The following NOS1 variants were observed in gnomAD, a reference collection of about 807,000 sequenced individuals.
The protein encoded by NOS1 is nitric oxide synthase 1, also known as NOS type I.
A neutral mutation model predicts 164.5 loss-of-function variants in NOS1; 51 were observed. The observed-to-expected ratio is 0.31, with a 90% CI of 0.25 to 0.39. The LOEUF is 0.39. NOS1 is among the 10% of genes least tolerant of loss of function. The pLI is 1.00. For synonymous variants in NOS1, 719 were observed against 745.8 expected (o/e 0.96, Z 0.59); for missense variants, 1,362 against 1,885.6 (o/e 0.72, Z 5.14).
At chr12:117,256,284 G>GTTGTTTTTTTTTTTTTTTTTTT (rs549611283) in intron 16 of NOS1, among the ~76,000 whole-genome samples, 14 of 118,446 alleles carry the variant, frequency 1.2e-4, no homozygotes, top group African/African-American at 4.6e-4. Flanking sequence ...GGGATTTTCT[G>GTTGTTTTTTTTTTTTTTTTTTT]TTTTTTTTTT....
chr12:117,339,525 C>G (rs1379926773), intron 1 of NOS1, among the ~76,000 whole-genome samples: 1 of 152,198 alleles, frequency 6.6e-6, no homozygotes, highest in Non-Finnish European at 1.5e-5. Flanking sequence ...AATGTCAGGA[C>G]TTTCTCCTGC....
chr12:117,238,114 C>G (rs1221580205), intron 20 of NOS1, among the ~76,000 whole-genome samples: 1 of 152,086 alleles, frequency 6.6e-6, no homozygotes, highest in Non-Finnish European at 1.5e-5. Flanking sequence ...GTGGTAGTGG[C>G]CAGATCACAA....
Position 117,288,202 on chromosome 12 carries a change from C to G in NOS1, c.999G>C (p.Glu333Asp), listed in dbSNP as rs745912428. The G allele has an allele frequency of 6.2e-7, 1 of 1,613,172 alleles. No individual in the cohort carries two copies. Residue 333 changes from glutamate (E) to aspartate (D), a missense_variant, in exon 5 of 29, where the codon GAG becomes GAC. Physicochemically the swap from Glu to Asp is conservative, Grantham distance 45. Coordinates refer to ENST00000317775, the MANE Select transcript of NOS1 (RefSeq NM_000620.5). ...LKSTLETGCT[E>D]YICMGSIMHP... ...GCATGATGGAGCCCATGCAGATGTACTCAGTGCATCCCGTTTCCTGGAAGA... is the reference window on the plus strand; with the variant it reads ...GCATGATGGAGCCCATGCAGATGTAGTCAGTGCATCCCGTTTCCTGGAAGA...
rs538563225 is a variant in NOS1 at position 117,262,427 on chromosome 12, G to GGA, written c.2222+1460_2222+1461dup. Among the ~76,000 whole-genome samples the GGA allele has an allele frequency of 4.4e-3, 593 of 133,402 alleles. 14 individuals are homozygous for GGA. The East Asian group carries it at 0.049, about 11-fold the overall frequency. The allele number at this position is 133,402 out of a possible 152,430, so 87.5% of individuals were successfully genotyped here. On this transcript the variant is annotated intron_variant, in intron 13 of 28. Coordinates refer to ENST00000317775, the MANE Select transcript of NOS1 (RefSeq NM_000620.5). ...GAAGGAGAGAGAGGGAGGGAGGGAG[G>GGA]GAGAGAGAGAGAGAGAGAGACAGAG...
chr12:117,226,569 G>A (rs1011314214), intron 24 of NOS1, 114 bp downstream of exon 24: 20 of 826,432 alleles, frequency 2.4e-5, no homozygotes, highest in East Asian at 7.8e-5. Context: ...GGTCTCCATC[G>A]TGTGTCACCC....
At chr12:117,226,834 C>T in intron 23 of NOS1, 64 bp from the exon 24 acceptor site, 1 of 1,287,352 alleles carries the variant, frequency 7.8e-7, no homozygotes, top group Non-Finnish European at 1.1e-6. Flanking sequence ...CCCCTCCTCC[C>T]TCCAGTGCAA....
Position 117,210,465 on chromosome 12 carries a change from G to C in NOS1, c.*4844C>G. 1.0e-6 allele frequency: 1 copy of C among 985,482 alleles called. No homozygotes were observed. The highest frequency in any genetic ancestry group is 1.2e-6 in the Non-Finnish European group (1 of 829,992). 61.0% of individuals were successfully genotyped at this position (985,482 alleles called of 1,614,324 possible). On this transcript the variant is annotated 3_prime_UTR_variant, in exon 29 of 29. Transcript: ENST00000317775. ...GAGGACATGGTGGCCACAGCGGCAT[G>C]CTGGGTATGTGGGGCAGCGGGTAGG...
Position 117,212,335 on chromosome 12 carries a change from T to G in NOS1, c.*2974A>C. Reference sequence around the variant, plus strand: ...CCATCTGCACCAACAGGGGCAGAATTAGGATTTGCACTCAGGTCGGCTCCC... The same window carrying G: ...CCATCTGCACCAACAGGGGCAGAATGAGGATTTGCACTCAGGTCGGCTCCC... On this transcript the variant is annotated 3_prime_UTR_variant, in exon 29 of 29. Coordinates refer to ENST00000317775, the MANE Select transcript of NOS1 (RefSeq NM_000620.5). The G allele has an allele frequency of 1.0e-6, 1 of 985,284 alleles. No individual in the cohort carries two copies. Among genetic ancestry groups the G allele is most frequent in the South Asian group, 4.7e-5 (1 of 21,266 alleles). The allele number at this position is 985,284 out of a possible 1,614,324, so 61.0% of individuals were successfully genotyped here. A position where few individuals can be genotyped will look rare whatever the true frequency, so the allele number is the denominator to read the frequency against.
intron 1 of NOS1, among the ~76,000 whole-genome samples, chr12:117,349,730 A>G (rs1876530129): frequency 6.6e-6 from 1 of 152,048 alleles, no homozygotes; most frequent in South Asian, 2.1e-4. Flanking sequence ...TGGTGTTATT[A>G]TTCATTATTT....
At chr12:117,353,651 A>C (rs1358011217) in intron 1 of NOS1, among the ~76,000 whole-genome samples, 1 of 152,196 alleles carries the variant, frequency 6.6e-6, no homozygotes, top group African/African-American at 2.4e-5. Flanking sequence ...CTTGCGAAGG[A>C]AGGGTTTTAG....
At chr12:117,304,942 C>G (rs1874055582) in intron 3 of NOS1, 5 of 913,910 alleles carry the variant, frequency 5.5e-6, no homozygotes, top group Non-Finnish European at 6.5e-6. Flanking sequence ...GAAGTTCTTC[C>G]TCATGTCTAA....
chr12:117,240,269 T>C (rs961249497), intron 20 of NOS1, among the ~76,000 whole-genome samples: 31 of 152,318 alleles, frequency 2.0e-4, no homozygotes, highest in African/African-American at 6.3e-4. Context: ...GAGATTAATT[T>C]CCCACTCCAT....
intron 1 of NOS1, among the ~76,000 whole-genome samples, chr12:117,348,846 C>T (rs1468456825): frequency 1.3e-5 from 2 of 152,136 alleles, no homozygotes; most frequent in African/African-American, 4.8e-5. Flanking sequence ...GAGAAATCAG[C>T]GCCGAAAGCA....
chr12:117,210,610 C>A lies in NOS1; in HGVS notation c.*4699G>T. The A allele has an allele frequency of 3.0e-6, 3 of 985,520 alleles. No homozygotes were observed. The highest frequency in any genetic ancestry group is 3.6e-6 in the Non-Finnish European group (3 of 829,998). The allele number at this position is 985,520 out of a possible 1,614,324, so 61.0% of individuals were successfully genotyped here. ...TGCTGTCGGAGTGAAGGGGCTCAGGCATCTGGATTGCCCATCCTATTAGGA... is the reference window on the plus strand; with the variant it reads ...TGCTGTCGGAGTGAAGGGGCTCAGGAATCTGGATTGCCCATCCTATTAGGA... On this transcript the variant is annotated 3_prime_UTR_variant, in exon 29 of 29. Coordinates refer to ENST00000317775, the MANE Select transcript of NOS1 (RefSeq NM_000620.5).
intron 10 of NOS1, among the ~76,000 whole-genome samples, chr12:117,270,131 G>T (rs1333793605): frequency 6.6e-6 from 1 of 152,222 alleles, no homozygotes; most frequent in Admixed American, 6.5e-5. Context: ...AGCAGGAGCT[G>T]GTGTCAGGAG....
At position 117,208,391 on chromosome 12, in the gene NOS1, CGTGTGTGT is replaced by C; in HGVS notation, c.*6910_*6917del. 7 of 1,242,438 alleles carry C rather than the reference CGTGTGTGT, an allele frequency of 5.6e-6. No homozygotes were observed. Among genetic ancestry groups the C allele is most frequent in the South Asian group, 1.3e-5 (1 of 78,736 alleles). The allele number at this position is 1,242,438 out of a possible 1,614,324, so 77.0% of individuals were successfully genotyped here. A position where few individuals can be genotyped will look rare whatever the true frequency, so the allele number is the denominator to read the frequency against. On this transcript the variant is annotated 3_prime_UTR_variant, in exon 29 of 29. Transcript: ENST00000317775. The stretch of plus-strand genomic sequence containing the variant: ...GGGGGGACGGCCGAGTTTCTGACAG[CGTGTGTGT>C]GTGTGTGTGTGTGTGTGTGTGTGGT...
At chr12:117,223,590 A>AT (rs1868390165) in intron 25 of NOS1, among the ~76,000 whole-genome samples, 2 of 148,026 alleles carry the variant, frequency 1.4e-5, no homozygotes, top group South Asian at 4.3e-4. Context: ...TATTATTATT[A>AT]TTTTAAGATG....
chr12:117,316,522 G>A (rs549098), intron 2 of NOS1, among the ~76,000 whole-genome samples: 56,572 of 152,066 alleles, frequency 0.37, 10,873 homozygotes, highest in Middle Eastern at 0.45. Context: ...CACCTGTCAC[G>A]GGAATTTAAT....
chr12:117,269,460 A>ATTTT lies in NOS1; in HGVS notation c.1840-1317_1840-1316insAAAA, dbSNP rs200222625. On this transcript the variant is annotated intron_variant, in intron 10 of 28. Transcript: ENST00000317775. Reference sequence around the variant, plus strand: ...GGCCCAGGGGGCAGGATCTCTGGAGATTTGTTTTTTTTTTTTTTTTTTTTT... The same window carrying ATTTT: ...GGCCCAGGGGGCAGGATCTCTGGAGATTTTTTTGTTTTTTTTTTTTTTTTTTTTT... Among the ~76,000 whole-genome samples the ATTTT allele has an allele frequency of 2.0e-4, 22 of 110,034 alleles. 1 individual carries two copies. Among genetic ancestry groups the ATTTT allele is most frequent in the Admixed American group, 2.7e-4 (3 of 10,984 alleles). The allele number at this position is 110,034 out of a possible 152,430, so 72.2% of individuals were successfully genotyped here. A position where few individuals can be genotyped will look rare whatever the true frequency, so the allele number is the denominator to read the frequency against.
Sources: gnomAD v4.1 joint callset for allele counts (sites outside exome capture counted in the v4.1 genomes callset) on GRCh38, gnomAD v4.1.1 for gene constraint, MANE v1.5 for transcripts, NCBI Gene and HGNC (gene_info 2026-07-23, HGNC 2026-07-21) for gene names.